The following KCNQ5 variants were observed in gnomAD, a reference collection of about 807,000 sequenced individuals.
KCNQ5 encodes potassium voltage-gated channel subfamily Q member 5, also known as potassium voltage-gated channel subfamily KQT member 5.
KCNQ5 carries 30 observed loss-of-function variants against 98.2 expected under a neutral mutation model. The ratio of observed to expected loss-of-function variants is 0.31; its 90% CI spans 0.23 to 0.41. KCNQ5 has a LOEUF of 0.41. Ranked by LOEUF, KCNQ5 falls within the 10% of genes least tolerant of loss-of-function variation. The pLI, the probability that KCNQ5 is intolerant of heterozygous loss-of-function variation, is 1.00. For synonymous variants in KCNQ5, 458 were observed against 449.4 expected, an observed-to-expected ratio of 1.02 and a Z score of -0.24; for missense variants, 835 against 1,182.5, an observed-to-expected ratio of 0.71 and a Z score of 4.31.
chr6:73,152,202 T>C (rs575367352), intron 10 of KCNQ5, among the ~76,000 whole-genome samples: 2 of 151,942 alleles, frequency 1.3e-5, no homozygotes, highest in African/African-American at 2.4e-5. Context: ...GAATATCTTA[T>C]TGGGTTTTTT....
At chr6:72,690,681 G>A (rs1262119287) in intron 1 of KCNQ5, among the ~76,000 whole-genome samples, 1 of 151,618 alleles carries the variant, frequency 6.6e-6, no homozygotes, top group Admixed American at 6.6e-5. Flanking sequence ...GAACTCTAAT[G>A]GGGCAGCCCA....
chr6:73,056,463 C>T (rs935046756), intron 3 of KCNQ5, among the ~76,000 whole-genome samples: 2 of 152,106 alleles, frequency 1.3e-5, no homozygotes, highest in African/African-American at 2.4e-5. Flanking sequence ...AAGGGTTTCT[C>T]GTGGTGGTTG....
chr6:72,846,223 A>C lies in KCNQ5; in HGVS notation c.399-157685A>C, dbSNP rs145321297. ...CATCACATTTGTTTCATATATATAT[A>C]GTTTCAGAATAGGTCCCCTGGAACA... On this transcript the variant is annotated intron_variant, in intron 1 of 13. Coordinates refer to ENST00000370398, the MANE Select transcript of KCNQ5 (RefSeq NM_019842.4). Among the ~76,000 whole-genome samples the C allele has an allele frequency of 2.2e-3, 329 of 152,296 alleles. 1 individual carries two copies. The highest frequency in any genetic ancestry group is 7.6e-3 in the African/African-American group (316 of 41,566).
At chr6:72,976,127 C>T (rs1768150337) in intron 1 of KCNQ5, among the ~76,000 whole-genome samples, 1 of 152,014 alleles carries the variant, frequency 6.6e-6, no homozygotes, top group Non-Finnish European at 1.5e-5. Flanking sequence ...TATTTTTATC[C>T]TTTCTTACTT....
At chr6:73,119,767 T>C (rs1476750250) in intron 7 of KCNQ5, among the ~76,000 whole-genome samples, 2 of 152,202 alleles carry the variant, frequency 1.3e-5, no homozygotes, top group East Asian at 3.8e-4. Context: ...TAAAGATCAA[T>C]CTCTAGAATG....
intron 1 of KCNQ5, among the ~76,000 whole-genome samples, chr6:72,710,260 T>C (rs1028323624): frequency 1.3e-5 from 2 of 152,224 alleles, no homozygotes; most frequent in African/African-American, 2.4e-5. Flanking sequence ...AAAATTTATT[T>C]AACTCTCAAT....
intron 1 of KCNQ5, among the ~76,000 whole-genome samples, chr6:72,880,616 T>C (rs1417411568): frequency 3.9e-5 from 6 of 152,214 alleles, no homozygotes; most frequent in Non-Finnish European, 8.8e-5. Flanking sequence ...GTATCTGTTA[T>C]ATTTATGCCT....
At chr6:72,947,174 TA>T (rs1307886790) in intron 1 of KCNQ5, among the ~76,000 whole-genome samples, 1 of 152,130 alleles carries the variant, frequency 6.6e-6, no homozygotes, top group Non-Finnish European at 1.5e-5. Context: ...GGGGAAAAGG[TA>T]AACAATTTTT....
At chr6:72,636,383 A>G (rs1036293509) in intron 1 of KCNQ5, among the ~76,000 whole-genome samples, 5 of 152,302 alleles carry the variant, frequency 3.3e-5, no homozygotes, top group African/African-American at 4.8e-5. Context: ...TCAAAATGCA[A>G]ATGTATCATA....
At chr6:73,155,269 G>C (rs1483138800) in intron 10 of KCNQ5, among the ~76,000 whole-genome samples, 1 of 152,206 alleles carries the variant, frequency 6.6e-6, no homozygotes, top group Non-Finnish European at 1.5e-5. Flanking sequence ...CATGTAGGCT[G>C]AAATTAAAAT....
intron 1 of KCNQ5, among the ~76,000 whole-genome samples, chr6:72,916,583 A>G (rs1388235493): frequency 2.0e-5 from 3 of 152,208 alleles, no homozygotes; most frequent in Non-Finnish European, 2.9e-5. Flanking sequence ...CAGCCTGATT[A>G]TTCCATCCGC....
At chr6:72,854,457 T>C (rs1777433538) in intron 1 of KCNQ5, among the ~76,000 whole-genome samples, 1 of 151,830 alleles carries the variant, frequency 6.6e-6, no homozygotes, top group Admixed American at 6.6e-5. Context: ...TTACTATTAA[T>C]ATGTGTTCAT....
At chr6:72,762,472 G>C (rs1056898583) in intron 1 of KCNQ5, among the ~76,000 whole-genome samples, 6 of 151,938 alleles carry the variant, frequency 3.9e-5, no homozygotes, top group African/African-American at 1.4e-4. Flanking sequence ...TTTGATCGAA[G>C]ACAGCAGAGT....
intron 3 of KCNQ5, among the ~76,000 whole-genome samples, chr6:73,051,721 A>C (rs67667956): frequency 2.0e-3 from 77 of 39,358 alleles, no homozygotes; most frequent in Middle Eastern, 0.014. Flanking sequence ...AAAAAAAAAA[A>C]AAAAAAAAAA....
intron 1 of KCNQ5, among the ~76,000 whole-genome samples, chr6:72,888,493 G>A (rs1330383470): frequency 6.6e-6 from 1 of 152,140 alleles, no homozygotes; most frequent in Non-Finnish European, 1.5e-5. Flanking sequence ...ACCTTAAGCG[G>A]ACAAGAGTCA....
At chr6:72,960,422 GTTGTT>G (rs769917193) in intron 1 of KCNQ5, among the ~76,000 whole-genome samples, 6 of 151,832 alleles carry the variant, frequency 4.0e-5, no homozygotes, top group Non-Finnish European at 7.4e-5. Context: ...TGTTGTTGTT[GTTGTT>G]TTGTTTTGTT....
intron 1 of KCNQ5, among the ~76,000 whole-genome samples, chr6:72,855,939 C>A (rs1446585568): frequency 6.6e-6 from 1 of 152,092 alleles, no homozygotes; most frequent in African/African-American, 2.4e-5. Flanking sequence ...TGTATAAAAC[C>A]ATTGTAATTC....
intron 1 of KCNQ5, among the ~76,000 whole-genome samples, chr6:72,918,732 C>T (rs972959710): frequency 8.6e-5 from 13 of 152,044 alleles, no homozygotes; most frequent in Non-Finnish European, 1.8e-4. Context: ...ATAAAATTTT[C>T]GGGTCCTATC....
intron 1 of KCNQ5, among the ~76,000 whole-genome samples, chr6:72,667,349 C>T (rs757824200): frequency 6.6e-6 from 1 of 152,126 alleles, no homozygotes; most frequent in Non-Finnish European, 1.5e-5. Context: ...CACTCAGATT[C>T]GTATCCCGAC....
Sources: allele counts gnomAD v4.1 joint callset (sites outside exome capture counted in the v4.1 genomes callset), GRCh38; gene constraint gnomAD v4.1.1; transcripts MANE v1.5; gene names NCBI Gene and HGNC (gene_info 2026-07-23, HGNC 2026-07-21).